The following NRXN3 variants were observed in gnomAD, a reference collection of about 807,000 sequenced individuals.
NRXN3 encodes the protein neurexin 3.
NRXN3 carries 32 observed loss-of-function variants against 137.6 expected under a neutral mutation model. That is an observed-to-expected ratio of 0.23 (90% CI 0.18 to 0.31). The LOEUF (loss-of-function observed/expected upper bound fraction) is 0.31, where lower values mean the gene tolerates loss of function less well. Ranked by LOEUF, NRXN3 falls within the 10% of genes least tolerant of loss-of-function variation. The pLI, the probability that NRXN3 is intolerant of heterozygous loss-of-function variation, is 1.00. For missense variants in NRXN3, 1,574 were observed against 2,062.5 expected (o/e 0.76, Z 4.59); for synonymous variants, 798 against 784.5 (o/e 1.02, Z -0.29).
chr14:79,082,488 G>A (rs1193204617), intron 15 of NRXN3, among the ~76,000 whole-genome samples: 2 of 151,780 alleles, frequency 1.3e-5, no homozygotes, highest in East Asian at 1.9e-4. Context: ...CAGAATCATA[G>A]CACCAAAACG....
At chr14:78,439,831 C>T (rs1293234255) in intron 4 of NRXN3, among the ~76,000 whole-genome samples, 1 of 152,134 alleles carries the variant, frequency 6.6e-6, no homozygotes, top group East Asian at 1.9e-4. Flanking sequence ...AAGCGAACAC[C>T]CACAAGTAGC....
rs1017423949 is a variant in NRXN3 at position 79,272,611 on chromosome 14, G to C, written c.3263-194610G>C. ...GAAATAGGAAAGAGAAGTCACTAGA[G>C]AGCCCTTTCACGTCCCAGAGCAGAT... On this transcript the variant is annotated intron_variant, in intron 15 of 20. Coordinates refer to ENST00000335750, the MANE Select transcript of NRXN3 (RefSeq NM_001330195.2). Among the ~76,000 whole-genome samples the C allele has an allele frequency of 3.3e-5, 5 of 152,248 alleles. No individual in the cohort carries two copies. In the South Asian group the frequency reaches 1.0e-3, roughly 32 times the overall value.
At chr14:79,182,650 G>A (rs1034733348) in intron 15 of NRXN3, among the ~76,000 whole-genome samples, 1 of 152,146 alleles carries the variant, frequency 6.6e-6, no homozygotes, top group South Asian at 2.1e-4. Context: ...TGTGGCCCCA[G>A]TTTCTAACGG....
chr14:79,780,966 C>T (rs2099111876), intron 19 of NRXN3, among the ~76,000 whole-genome samples: 1 of 152,168 alleles, frequency 6.6e-6, no homozygotes, highest in South Asian at 2.1e-4. Flanking sequence ...AAATCTCAGA[C>T]ATTATCTTGA....
At chr14:78,448,877 G>A (rs2094485083) in intron 4 of NRXN3, among the ~76,000 whole-genome samples, 2 of 151,984 alleles carry the variant, frequency 1.3e-5, no homozygotes, top group Non-Finnish European at 2.9e-5. Flanking sequence ...CCTTCCATTG[G>A]GCTTCCACAT....
At chr14:79,222,743 A>G (rs111390974) in intron 15 of NRXN3, among the ~76,000 whole-genome samples, 3 of 33,044 alleles carry the variant, frequency 9.1e-5, no homozygotes, top group Middle Eastern at 0.011. Context: ...ATGGCATCTC[A>G]TTGTTGTTTT....
chr14:78,364,496 G>T (rs898095936), intron 4 of NRXN3, among the ~76,000 whole-genome samples: 2 of 152,104 alleles, frequency 1.3e-5, no homozygotes, highest in African/African-American at 2.4e-5. Context: ...ATTTTAAGAT[G>T]AATATATTTT....
intron 15 of NRXN3, among the ~76,000 whole-genome samples, chr14:79,120,142 T>A (rs2055155336): frequency 6.6e-6 from 1 of 152,102 alleles, no homozygotes; most frequent in Non-Finnish European, 1.5e-5. Context: ...GCCAGCGAGA[T>A]CTCTTTTAAA....
intron 2 of NRXN3, among the ~76,000 whole-genome samples, chr14:78,272,250 C>T (rs931713772): frequency 1.3e-5 from 2 of 152,132 alleles, no homozygotes; most frequent in African/African-American, 4.8e-5. Flanking sequence ...TTATGTGACG[C>T]CCCAGCCTGT....
At chr14:79,258,201 T>C (rs1275660601) in intron 15 of NRXN3, among the ~76,000 whole-genome samples, 1 of 152,186 alleles carries the variant, frequency 6.6e-6, no homozygotes, top group African/African-American at 2.4e-5. Flanking sequence ...TCTTCTCTTC[T>C]TTATTTAATT....
chr14:79,277,211 T>G (rs1196974642), intron 15 of NRXN3, among the ~76,000 whole-genome samples: 1 of 152,004 alleles, frequency 6.6e-6, no homozygotes, highest in Non-Finnish European at 1.5e-5. Flanking sequence ...GGGCCAACAA[T>G]GCTATAAAGG....
At chr14:78,529,001 A>G (rs2096421317) in intron 4 of NRXN3, among the ~76,000 whole-genome samples, 1 of 152,156 alleles carries the variant, frequency 6.6e-6, no homozygotes, top group Non-Finnish European at 1.5e-5. Context: ...ACATGAAGAA[A>G]CTGGGGCCTA....
chr14:78,368,876 T>C (rs1016098802), intron 4 of NRXN3, among the ~76,000 whole-genome samples: 1 of 152,204 alleles, frequency 6.6e-6, no homozygotes, highest in African/African-American at 2.4e-5. Context: ...TCCTGACCAC[T>C]AGAACTCCTA....
At chr14:79,773,480 C>G (rs1024803356) in intron 19 of NRXN3, among the ~76,000 whole-genome samples, 12 of 151,866 alleles carry the variant, frequency 7.9e-5, no homozygotes, top group African/African-American at 2.2e-4. Flanking sequence ...CCTTTGTAGG[C>G]ACATGGATGA....
intron 10 of NRXN3, among the ~76,000 whole-genome samples, chr14:78,910,647 G>C (rs1378069728): frequency 6.6e-6 from 1 of 151,978 alleles, no homozygotes; most frequent in African/African-American, 2.4e-5. Flanking sequence ...CTAGCCCTGG[G>C]CTTTATTTCA....
intron 1 of NRXN3, among the ~76,000 whole-genome samples, chr14:78,173,709 CT>C (rs10638142): frequency 2.2e-4 from 15 of 69,334 alleles, no homozygotes; most frequent in East Asian, 1.0e-3. Flanking sequence ...TTTTTCCTTG[CT>C]TTTTTTTTTT....
At chr14:79,303,110 C>A (rs1232292564) in intron 15 of NRXN3, among the ~76,000 whole-genome samples, 2 of 152,006 alleles carry the variant, frequency 1.3e-5, no homozygotes, top group Non-Finnish European at 2.9e-5. Context: ...GGAATCCAAA[C>A]CCCCAAAGCT....
chr14:79,189,426 T>G, intron 15 of NRXN3, among the ~76,000 whole-genome samples: 1 of 147,230 alleles, frequency 6.8e-6, no homozygotes, highest in Non-Finnish European at 1.5e-5. Context: ...TTAGGAGATA[T>G]ACCTAATGCT....
At chr14:78,799,267 C>T (rs2098831679) in intron 8 of NRXN3, among the ~76,000 whole-genome samples, 2 of 152,176 alleles carry the variant, frequency 1.3e-5, no homozygotes, top group South Asian at 2.1e-4. Context: ...TTTCTTCCAC[C>T]AGTTACCCTA....
Sources: gnomAD v4.1 joint callset for allele counts (sites outside exome capture counted in the v4.1 genomes callset) on GRCh38, gnomAD v4.1.1 for gene constraint, MANE v1.5 for transcripts, NCBI Gene and HGNC (gene_info 2026-07-23, HGNC 2026-07-21) for gene names.